ZFYVE16: variants seen among roughly 807,000 people sequenced by gnomAD.
ZFYVE16 encodes zinc finger FYVE-type containing 16, also known as zinc finger FYVE domain-containing protein 16.
ZFYVE16 carries 89 observed loss-of-function variants against 138.1 expected under a neutral mutation model. The ratio of observed to expected loss-of-function variants is 0.64; its 90% CI spans 0.54 to 0.77. The LOEUF (loss-of-function observed/expected upper bound fraction) is 0.77, where lower values mean the gene tolerates loss of function less well. Among genes scored for constraint, ZFYVE16 ranks in the 30% least tolerant of loss-of-function variants. ZFYVE16 has a pLI of 0.00. For synonymous variants in ZFYVE16, 596 were observed against 618.3 expected (o/e 0.96, Z 0.53); for missense variants, 1,793 against 1,786.7 (o/e 1.00, Z -0.06).
At chr5:80,454,736 T>TC (rs1752344798) in intron 11 of ZFYVE16, 1 of 152,300 alleles carries the variant, frequency 6.6e-6, no homozygotes, top group South Asian at 2.1e-4. Context: ...GGTCTCGATC[T>TC]CCTGACCTCA....
At chr5:80,465,900 G>GTTAA (rs1239144098) in intron 15 of ZFYVE16, among the ~76,000 whole-genome samples, 2 of 151,426 alleles carry the variant, frequency 1.3e-5, no homozygotes, top group African/African-American at 4.8e-5. Flanking sequence ...GTTCAGATTA[G>GTTAA]TGTTTTTCAT....
In ZFYVE16 at chr5:80,438,881, A is replaced by G; in HGVS notation, c.2196A>G (p.Lys732=). Residue 732 remains lysine (K), a synonymous_variant, in exon 4 of 19, where the codon AAA becomes AAG. Transcript: ENST00000505560. ...ATTCTGTACCTGAAAACACTTGCAA[A>G]GAAGGCTTGGTTTTGGGCCAGAAAC... ...NEDSVPENTC[K]EGLVLGQKQP... is the part of the protein sequence containing the mutation. 6.2e-7 allele frequency: 1 copy of G among 1,614,116 alleles called. No individual in the cohort carries two copies. The highest frequency in any genetic ancestry group is 8.5e-7 in the Non-Finnish European group (1 of 1,179,968).
intron 7 of ZFYVE16, among the ~76,000 whole-genome samples, chr5:80,447,416 G>T (rs1317607889): frequency 1.3e-5 from 2 of 152,074 alleles, no homozygotes; most frequent in Admixed American, 1.3e-4. Flanking sequence ...ATGTTTCCTA[G>T]CTAGCACGCA....
intron 14 of ZFYVE16, among the ~76,000 whole-genome samples, chr5:80,457,748 C>T (rs1267984191): frequency 6.6e-6 from 1 of 151,944 alleles, no homozygotes; most frequent in African/African-American, 2.4e-5. Context: ...GTAAAAGAGG[C>T]CAGGCACAGT....
intron 15 of ZFYVE16, among the ~76,000 whole-genome samples, chr5:80,465,284 A>C (rs1316213402): frequency 6.6e-6 from 1 of 151,678 alleles, no homozygotes; most frequent in Non-Finnish European, 1.5e-5. Flanking sequence ...TCATTTTTGA[A>C]GGAGAGTTTT....
At chr5:80,421,124 C>T (rs1319347755) in intron 1 of ZFYVE16, among the ~76,000 whole-genome samples, 1 of 152,120 alleles carries the variant, frequency 6.6e-6, no homozygotes, top group Non-Finnish European at 1.5e-5. Flanking sequence ...ATATCCTTCG[C>T]CCACTTTTTG....
At chr5:80,471,594 A>G (rs1216581673) in intron 15 of ZFYVE16, among the ~76,000 whole-genome samples, 1 of 152,166 alleles carries the variant, frequency 6.6e-6, no homozygotes, top group African/African-American at 2.4e-5. Context: ...ACGGGACCAG[A>G]AGGCGGTGAC....
chr5:80,450,979 T>C (rs1751933538), intron 10 of ZFYVE16, among the ~76,000 whole-genome samples: 1 of 152,094 alleles, frequency 6.6e-6, no homozygotes, highest in South Asian at 2.1e-4. Flanking sequence ...GCCCAGCTAA[T>C]TTTTGTATTT....
At chr5:80,440,789 A>G (rs1561282860) in intron 5 of ZFYVE16, 3 of 984,278 alleles carry the variant, frequency 3.0e-6, no homozygotes, top group Non-Finnish European at 3.6e-6. Context: ...ATTCCTAGCA[A>G]ATATTACTTG....
At chr5:80,449,014 CT>C (rs1296942391) in intron 8 of ZFYVE16, among the ~76,000 whole-genome samples, 1 of 152,072 alleles carries the variant, frequency 6.6e-6, no homozygotes, top group Non-Finnish European at 1.5e-5. Context: ...AGGAATGAAG[CT>C]TTGGATTTCT....
At position 80,448,205 on chromosome 5, in the gene ZFYVE16, T is replaced by A. The variant is rs1300870043; in HGVS notation, c.2904T>A (p.Asp968Glu). The change falls in exon 8 of 19, where the codon GAT becomes GAA. Residue 968 changes from aspartate (D) to glutamate (E), a missense_variant. This residue lies in a region of ZFYVE16 where 1,295 missense variants were observed against 1,204.3 expected (regional missense o/e 1.08). Coordinates refer to ENST00000505560, the MANE Select transcript of ZFYVE16 (RefSeq NM_001284236.3). ...CTACTTCTGGTTCATTTACACTAGATGATGATGTTTTTGCAGAAACTGAAG... is the reference window on the plus strand; with the variant it reads ...CTACTTCTGGTTCATTTACACTAGAAGATGATGTTTTTGCAGAAACTGAAG... ...GLPTSGSFTL[D>E]DDVFAETEEP... 6.2e-7 allele frequency: 1 copy of A among 1,613,952 alleles called. No individual in the cohort carries two copies. Among genetic ancestry groups the A allele is most frequent in the East Asian group, 2.2e-5 (1 of 44,830 alleles).
At chr5:80,467,958 A>G (rs534123128) in intron 15 of ZFYVE16, among the ~76,000 whole-genome samples, 13 of 152,336 alleles carry the variant, frequency 8.5e-5, no homozygotes, top group African/African-American at 3.1e-4. Flanking sequence ...AGAAAAAAAT[A>G]TATATAAATT....
chr5:80,473,944 T>G (rs1754639547), intron 17 of ZFYVE16, 85 bp downstream of exon 17: 5 of 923,488 alleles, frequency 5.4e-6, no homozygotes. Flanking sequence ...AACCTCTAAA[T>G]ATTTATGCAT....
At chr5:80,475,126 T>G (rs1260798399) in intron 18 of ZFYVE16, among the ~76,000 whole-genome samples, 1 of 152,198 alleles carries the variant, frequency 6.6e-6, no homozygotes, top group Non-Finnish European at 1.5e-5. Context: ...GTAAACAAAT[T>G]AAGTGTGGCT....
chr5:80,450,631 ATTAG>A, intron 10 of ZFYVE16, 45 bp downstream of exon 10: 1 of 1,576,692 alleles, frequency 6.3e-7, no homozygotes, highest in African/African-American at 1.4e-5. Flanking sequence ...GAATGGATAA[ATTAG>A]TTAAAGGCAT....
At chr5:80,446,188 T>C (rs10942926) in intron 7 of ZFYVE16, among the ~76,000 whole-genome samples, 132,930 of 152,016 alleles carry the variant, frequency 0.87, 58,857 homozygotes, top group Non-Finnish European at 0.94. Flanking sequence ...TGAGCCACCG[T>C]GCCTGGCCCA....
intron 14 of ZFYVE16, 48 bp downstream of exon 14, chr5:80,457,140 A>G (rs1261432495): frequency 1.3e-6 from 2 of 1,587,412 alleles, no homozygotes; most frequent in East Asian, 2.3e-5. Context: ...ACCTCAATTA[A>G]TAGAATTCCT....
In ZFYVE16 at chr5:80,445,401, C is replaced by T. The variant is rs766328402; in HGVS notation, c.2720C>T (p.Pro907Leu). The change falls in exon 7 of 19, where the codon CCT becomes CTT. Residue 907 changes from proline to leucine, a missense_variant. Around this residue, in one of 2 missense-constraint regions of ZFYVE16, gnomAD observed 1,295 missense variants for 1,204.3 expected, o/e 1.08. Coordinates refer to ENST00000505560, the MANE Select transcript of ZFYVE16 (RefSeq NM_001284236.3). ...TTTAGTCCTCTCTCACCTGATGTGC[C>T]TATGGTAAGGAATTCAAAGAATAAC... is the stretch of plus-strand genomic sequence containing the variant. ...EDFSPLSPDV[P>L]MTVNTVDHSH... 1.2e-6 allele frequency: 2 copies of T among 1,609,952 alleles called. No homozygotes were observed. The highest frequency in any genetic ancestry group is 4.5e-5 in the East Asian group (2 of 44,796).
chr5:80,415,554 T>C (rs1292682803), intron 1 of ZFYVE16, among the ~76,000 whole-genome samples: 1 of 152,212 alleles, frequency 6.6e-6, no homozygotes, highest in Non-Finnish European at 1.5e-5. Flanking sequence ...AGAATGTCAG[T>C]TGAGATTTGT....
Sources: gnomAD v4.1 joint callset for allele counts (sites outside exome capture counted in the v4.1 genomes callset) on GRCh38, gnomAD v4.1.1 for gene constraint, gnomAD v4.1.1 regional missense constraint, MANE v1.5 for transcripts, NCBI Gene and HGNC (gene_info 2026-07-23, HGNC 2026-07-21) for gene names.